Variants in WHAMM observed in about 807,000 individuals in gnomAD.
WHAMM encodes WASP homolog associated with actin, golgi membranes and microtubules.
Under a neutral mutation model 76.5 loss-of-function variants are expected in WHAMM, and 67 were observed. That is an observed-to-expected ratio of 0.88 (90% CI 0.72 to 1.07). WHAMM has a LOEUF of 1.07. WHAMM is among the 50% of genes least tolerant of loss of function. The pLI is 0.00. For missense variants in WHAMM, 1,021 were observed against 1,051.1 expected, an observed-to-expected ratio of 0.97 and a Z score of 0.40; for synonymous variants, 419 against 422.1, an observed-to-expected ratio of 0.99 and a Z score of 0.09.
At chr15:82,827,454 T>C (rs2151570800) in intron 8 of WHAMM, among the ~76,000 whole-genome samples, 2 of 152,296 alleles carry the variant, frequency 1.3e-5, no homozygotes, top group East Asian at 3.9e-4. Context: ...ATAAATTCCT[T>C]TAAAAAAAGC....
At chr15:82,812,963 A>G in intron 1 of WHAMM, 140 bp from the exon 2 acceptor site, 4 of 626,456 alleles carry the variant, frequency 6.4e-6, no homozygotes, top group Non-Finnish European at 1.0e-5. Flanking sequence ...GAGGATGATA[A>G]CATTTTCATA....
chr15:82,819,158 T>TA (rs2050778131), intron 4 of WHAMM, among the ~76,000 whole-genome samples, 165 bp from the exon 5 acceptor site: 1 of 152,228 alleles, frequency 6.6e-6, no homozygotes, highest in East Asian at 1.9e-4. Flanking sequence ...AAGGATGAGA[T>TA]AAAGTATTTG....
chr15:82,824,162 C>CTT (rs71156055), intron 6 of WHAMM, among the ~76,000 whole-genome samples: 7 of 118,080 alleles, frequency 5.9e-5, no homozygotes, highest in East Asian at 4.7e-4. Flanking sequence ...TACTTTTCTC[C>CTT]TTTTTTTTTT....
intron 8 of WHAMM, among the ~76,000 whole-genome samples, chr15:82,829,311 AAAAC>A (rs771254971): frequency 6.6e-6 from 1 of 152,200 alleles, no homozygotes; most frequent in Non-Finnish European, 1.5e-5. Flanking sequence ...TCTCTACAAA[AAAAC>A]AAAGGCAGAA....
At chr15:82,822,846 A>C (rs1308270159) in intron 5 of WHAMM, among the ~76,000 whole-genome samples, 1 of 151,740 alleles carries the variant, frequency 6.6e-6, no homozygotes. Context: ...ATACACACAT[A>C]TGTCTATATA....
intron 1 of WHAMM, 77 bp from the exon 2 acceptor site, chr15:82,813,025 CT>C: frequency 1.8e-6 from 2 of 1,133,928 alleles, no homozygotes; most frequent in Non-Finnish European, 2.3e-6. Flanking sequence ...ATGAAGGTTT[CT>C]TTTGTTTAGT....
intron 8 of WHAMM, among the ~76,000 whole-genome samples, chr15:82,828,421 G>A (rs1480629794): frequency 6.6e-6 from 1 of 152,184 alleles, no homozygotes; most frequent in African/African-American, 2.4e-5. Context: ...GGGCCTGGGT[G>A]TGAACTGCAG....
chr15:82,824,410 C>T (rs2151568027), intron 6 of WHAMM, among the ~76,000 whole-genome samples: 1 of 152,106 alleles, frequency 6.6e-6, no homozygotes, highest in South Asian at 2.1e-4. Context: ...TCACTGCAAC[C>T]TTCATCTCCA....
intron 2 of WHAMM, 57 bp downstream of exon 2, chr15:82,813,333 CTTTA>C (rs2050661975): frequency 1.5e-6 from 2 of 1,329,136 alleles, no homozygotes; most frequent in Non-Finnish European, 2.0e-6. Context: ...TAAATTATTT[CTTTA>C]TTTACACTTA....
intron 6 of WHAMM, among the ~76,000 whole-genome samples, chr15:82,825,652 T>C (rs1157560948): frequency 6.6e-6 from 1 of 151,914 alleles, no homozygotes; most frequent in Non-Finnish European, 1.5e-5. Context: ...GATGATAGGC[T>C]AGTGCGGCAC....
chr15:82,828,530 G>A (rs915275607), intron 8 of WHAMM, among the ~76,000 whole-genome samples: 4 of 152,188 alleles, frequency 2.6e-5, no homozygotes, highest in African/African-American at 4.8e-5. Context: ...AGAGAGTTTC[G>A]ATGAACAGAA....
Position 82,826,864 on chromosome 15 carries a change from T to TA in WHAMM, c.1641+18_1641+19insA. 7.4e-7 allele frequency: 1 copy of TA among 1,356,780 alleles called. No individual in the cohort carries two copies. The highest frequency in any genetic ancestry group is 9.6e-7 in the Non-Finnish European group (1 of 1,044,440). The allele number at this position is 1,356,780 out of a possible 1,614,324, so 84.0% of individuals were successfully genotyped here. A position where few individuals can be genotyped will look rare whatever the true frequency, so the allele number is the denominator to read the frequency against. On this transcript the variant is annotated intron_variant, in intron 8 of 9. Coordinates refer to ENST00000286760, the MANE Select transcript of WHAMM (RefSeq NM_001080435.3). ...TTAAAGATGTAAGTTCTATAAACAA[T>TA]CACCTCATCTACACTTCTGGGGAAA...
At chr15:82,831,904 A>G (rs2051037837) in intron 9 of WHAMM, among the ~76,000 whole-genome samples, 1 of 152,228 alleles carries the variant, frequency 6.6e-6, no homozygotes. Context: ...AGTGTTATGA[A>G]TGATATAGCA....
chr15:82,826,885 G>T, intron 8 of WHAMM, 39 bp downstream of exon 8: 1 of 1,514,990 alleles, frequency 6.6e-7, no homozygotes, highest in Non-Finnish European at 8.8e-7. Flanking sequence ...ACACTTCTGG[G>T]GAAATAACTG....
chr15:82,823,898 CTCTATT>C (rs759652036), intron 6 of WHAMM, among the ~76,000 whole-genome samples: 13 of 152,046 alleles, frequency 8.6e-5, no homozygotes, highest in Non-Finnish European at 1.5e-5. Flanking sequence ...TAGGTAGAAA[CTCTATT>C]TCTAATAGCC....
intron 2 of WHAMM, among the ~76,000 whole-genome samples, chr15:82,815,131 AT>A (rs1348701132): frequency 0.039 from 1,151 of 29,346 alleles, 100 homozygotes; most frequent in East Asian, 0.22. Flanking sequence ...ATATATATAT[AT>A]ATATATATAT....
At chr15:82,817,473 T>C (rs1378398600) in intron 3 of WHAMM, among the ~76,000 whole-genome samples, 1 of 152,208 alleles carries the variant, frequency 6.6e-6, no homozygotes, top group Non-Finnish European at 1.5e-5. Context: ...TGTTAAGTTA[T>C]GGTACCTTCA....
intron 9 of WHAMM, among the ~76,000 whole-genome samples, chr15:82,832,994 T>G (rs1396696372): frequency 6.6e-6 from 1 of 152,174 alleles, no homozygotes; most frequent in African/African-American, 2.4e-5. Context: ...TTGCTATGGA[T>G]TTGAAGAAGT....
chr15:82,810,102 C>A lies in WHAMM; in HGVS notation c.376C>A (p.Leu126Met). The change falls in exon 1 of 10, where the codon CTG (leucine) becomes ATG (methionine). Residue 126 changes from leucine to methionine, a missense_variant. By Grantham distance (15) the Leu-to-Met change is conservative. Around this residue, in one of 3 missense-constraint regions of WHAMM, gnomAD observed 501 missense variants for 524.9 expected, o/e 0.95. Transcript: ENST00000286760. ...CGGGGCCTGGGGTCTGGGGCTCGGGCTGTGGGCGCTGCTGTGGCCGACGCG... is the reference window on the plus strand; with the variant it reads ...CGGGGCCTGGGGTCTGGGGCTCGGGATGTGGGCGCTGCTGTGGCCGACGCG... ...GGGAWGLGLGLWALLWPTRAG... is the reference protein window; with the variant it reads ...GGGAWGLGLGMWALLWPTRAG... The A allele has an allele frequency of 7.7e-7, 1 of 1,300,942 alleles. No individual in the cohort carries two copies. The highest frequency in any genetic ancestry group is 9.8e-7 in the Non-Finnish European group (1 of 1,021,228). 80.6% of individuals were successfully genotyped at this position (1,300,942 alleles called of 1,614,324 possible).
Sources: allele counts gnomAD v4.1 joint callset (sites outside exome capture counted in the v4.1 genomes callset), GRCh38; gene constraint gnomAD v4.1.1; regional missense constraint gnomAD v4.1.1; transcripts MANE v1.5; gene names NCBI Gene and HGNC (gene_info 2026-07-23, HGNC 2026-07-21).